Variants in SNX6 observed in about 807,000 individuals in gnomAD.
SNX6 encodes the protein sorting nexin 6, also known as sorting nexin-6.
SNX6 carries 34 observed loss-of-function variants against 63.0 expected under a neutral mutation model. The observed-to-expected ratio is 0.54, with a 90% CI of 0.41 to 0.72. SNX6 has a LOEUF of 0.72. Among genes scored for constraint, SNX6 ranks in the 30% least tolerant of loss-of-function variants. SNX6 has a pLI of 0.00. For synonymous variants in SNX6, 170 were observed against 164.2 expected (o/e 1.04, Z -0.27); for missense variants, 398 against 471.4 (o/e 0.84, Z 1.44).
At chr14:34,565,516 C>T (rs1566460901) in intron 13 of SNX6, among the ~76,000 whole-genome samples, 2 of 152,084 alleles carry the variant, frequency 1.3e-5, no homozygotes, top group African/African-American at 4.8e-5. Context: ...AGTTCATGAC[C>T]TCTTTGTTTT....
chr14:34,618,361 G>A (rs1263658656), intron 2 of SNX6, among the ~76,000 whole-genome samples: 1 of 120,216 alleles, frequency 8.3e-6, no homozygotes, highest in Non-Finnish European at 1.5e-5. Flanking sequence ...CTCCTTTTTG[G>A]GGAGGGGGGG....
chr14:34,627,079 CATT>C (rs1883856033), intron 2 of SNX6, among the ~76,000 whole-genome samples: 1 of 152,146 alleles, frequency 6.6e-6, no homozygotes, highest in Non-Finnish European at 1.5e-5. Context: ...AGCCATAGCT[CATT>C]GTTCTCAAGC....
chr14:34,609,098 G>A (rs532179531), intron 3 of SNX6, among the ~76,000 whole-genome samples: 1 of 152,152 alleles, frequency 6.6e-6, no homozygotes, highest in Non-Finnish European at 1.5e-5. Flanking sequence ...GAAATTGAAA[G>A]TAACAAGAAT....
At chr14:34,599,563 C>T (rs59172312) in intron 6 of SNX6, among the ~76,000 whole-genome samples, 4,174 of 150,954 alleles carry the variant, frequency 0.028, 185 homozygotes, top group African/African-American at 0.092. Context: ...GCCAATATCA[C>T]GCCATTGCAT....
chr14:34,612,055 A>C (rs1175841945), intron 2 of SNX6, among the ~76,000 whole-genome samples: 2 of 152,172 alleles, frequency 1.3e-5, no homozygotes, highest in Non-Finnish European at 2.9e-5. Flanking sequence ...CTGGGATTAC[A>C]GGCGTGAGCC....
Position 34,575,757 on chromosome 14 carries a change from T to G in SNX6, c.920A>C (p.Lys307Thr), listed in dbSNP as rs749396100. Residue 307 changes from lysine (K) to threonine (T), a missense_variant and splice_region_variant, in exon 11 of 14, where the codon AAG becomes ACG. By Grantham distance (78) the Lys-to-Thr change is moderately conservative. Transcript: ENST00000362031. ...CATTTAAAAAAAGATTAAAATTACC[T>G]TAGCAGCTTGAGATTCTCTTAAGTA... ...KYYLRESQAA[K>T]DLLYRRSRSL... 60 of 1,558,946 alleles carry G rather than the reference T, an allele frequency of 3.8e-5. No homozygotes were observed. Among genetic ancestry groups the G allele is most frequent in the Non-Finnish European group, 5.2e-5 (59 of 1,145,158 alleles).
chr14:34,609,405 CAGG>C (rs1883137593), intron 3 of SNX6, among the ~76,000 whole-genome samples: 1 of 140,660 alleles, frequency 7.1e-6, no homozygotes, highest in Admixed American at 8.2e-5. Context: ...GGCGTGAACC[CAGG>C]AGGAGGAGCT....
At chr14:34,625,372 G>A (rs1483646178) in intron 2 of SNX6, among the ~76,000 whole-genome samples, 2 of 152,130 alleles carry the variant, frequency 1.3e-5, no homozygotes, top group Admixed American at 6.6e-5. Flanking sequence ...GGAAATAGCA[G>A]GATAACTTTC....
chr14:34,586,449 G>C, intron 8 of SNX6, 144 bp from the exon 9 acceptor site: 1 of 351,814 alleles, frequency 2.8e-6, no homozygotes. Flanking sequence ...GCTCATGCCT[G>C]TAATCCCAAC....
At chr14:34,604,462 G>A (rs1424994331) in intron 5 of SNX6, among the ~76,000 whole-genome samples, 1 of 152,124 alleles carries the variant, frequency 6.6e-6, no homozygotes, top group Non-Finnish European at 1.5e-5. Context: ...ATCCTGAAGA[G>A]AAGTATAGTA....
intron 8 of SNX6, among the ~76,000 whole-genome samples, chr14:34,589,224 G>T (rs1882294626): frequency 6.6e-6 from 1 of 151,974 alleles, no homozygotes; most frequent in Non-Finnish European, 1.5e-5. Flanking sequence ...GGGGGCCGAG[G>T]TGGGCAGATC....
At chr14:34,611,748 CAAAA>C (rs1171892665) in intron 2 of SNX6, among the ~76,000 whole-genome samples, 1 of 107,158 alleles carries the variant, frequency 9.3e-6, no homozygotes, top group Non-Finnish European at 1.8e-5. Context: ...GACACTGTCT[CAAAA>C]AAAAAAAAAA....
chr14:34,606,277 C>A (rs1323936069), intron 4 of SNX6, among the ~76,000 whole-genome samples: 1 of 150,396 alleles, frequency 6.6e-6, no homozygotes, highest in Admixed American at 6.6e-5. Flanking sequence ...CACGACACCA[C>A]GCCCAACTAA....
At chr14:34,587,457 C>T (rs562278355) in intron 8 of SNX6, among the ~76,000 whole-genome samples, 19 of 141,048 alleles carry the variant, frequency 1.3e-4, no homozygotes, top group Admixed American at 5.4e-4. Flanking sequence ...GGCGTGAACC[C>T]GGGAGGTGGA....
chr14:34,619,359 T>G (rs1048914685), intron 2 of SNX6, among the ~76,000 whole-genome samples: 1 of 151,672 alleles, frequency 6.6e-6, no homozygotes, highest in South Asian at 2.1e-4. Context: ...GAGGTGGAGG[T>G]TGCAGTGAGC....
intron 2 of SNX6, among the ~76,000 whole-genome samples, chr14:34,610,379 T>C (rs1054402521): frequency 6.3e-5 from 9 of 142,110 alleles, no homozygotes; most frequent in African/African-American, 1.3e-4. Flanking sequence ...AAAAACTTCT[T>C]CCAAAAAAAA....
At chr14:34,598,373 C>T (rs1882680979) in intron 6 of SNX6, among the ~76,000 whole-genome samples, 1 of 152,100 alleles carries the variant, frequency 6.6e-6, no homozygotes, top group Non-Finnish European at 1.5e-5. Context: ...ATGTATGTGT[C>T]CCCCTAAAGT....
At chr14:34,591,004 A>C (rs1288024624) in intron 8 of SNX6, among the ~76,000 whole-genome samples, 1 of 152,200 alleles carries the variant, frequency 6.6e-6, no homozygotes, top group East Asian at 1.9e-4. Flanking sequence ...ATTTATATAA[A>C]ATACTAAAAA....
intron 7 of SNX6, 112 bp from the exon 8 acceptor site, chr14:34,593,262 CTCAG>C (rs1882470828): frequency 3.1e-6 from 2 of 638,536 alleles, no homozygotes; most frequent in Non-Finnish European, 5.3e-6. Flanking sequence ...CATACCTATC[CTCAG>C]TCAGATGTTA....
Sources: gnomAD v4.1 joint callset for allele counts (sites outside exome capture counted in the v4.1 genomes callset) on GRCh38, gnomAD v4.1.1 for gene constraint, MANE v1.5 for transcripts, NCBI Gene and HGNC (gene_info 2026-07-23, HGNC 2026-07-21) for gene names.